The following ERBB3 variants were observed in gnomAD, a reference collection of about 807,000 sequenced individuals.
The protein encoded by ERBB3 is erb-b2 receptor tyrosine kinase 3.
In ERBB3, 96 loss-of-function variants were observed where a neutral mutation model predicts 156.7. The ratio of observed to expected loss-of-function variants is 0.61; its 90% CI spans 0.52 to 0.73. The LOEUF (loss-of-function observed/expected upper bound fraction) is 0.73. Among genes scored for constraint, ERBB3 ranks in the 30% least tolerant of loss-of-function variants. The probability of loss-of-function intolerance (pLI) is 0.00; values close to 1 mark genes in which losing one functional copy is unlikely to be tolerated. For synonymous variants in ERBB3, 567 were observed against 632.0 expected, an observed-to-expected ratio of 0.90 and a Z score of 1.54; for missense variants, 1,406 against 1,709.4, an observed-to-expected ratio of 0.82 and a Z score of 3.13.
rs1869096598 is a variant in ERBB3 at position 56,101,369 on chromosome 12, A to T, written c.3502+8A>T. On this transcript the variant is annotated splice_region_variant and intron_variant, in intron 27 of 27. Transcript: ENST00000267101. ...CAGATACACACCTCAAAGGTGCCTG[A>T]CTCTTCCTAGGGCTTTCCTCAATTT... is the stretch of plus-strand genomic sequence containing the variant. 2 of 1,613,166 alleles carry T rather than the reference A, an allele frequency of 1.2e-6. No homozygotes were observed. The highest frequency in any genetic ancestry group is 1.7e-6 in the Non-Finnish European group (2 of 1,179,658).
intron 5 of ERBB3, 58 bp from the exon 6 acceptor site, chr12:56,087,737 G>A: frequency 6.3e-7 from 1 of 1,586,446 alleles, no homozygotes; most frequent in South Asian, 1.1e-5. Flanking sequence ...GGCATGAGCA[G>A]TGGCCTCAGA....
Position 56,101,222 on chromosome 12 carries a change from C to G in ERBB3, c.3363C>G (p.Ser1121Arg). The G allele has an allele frequency of 6.2e-7, 1 of 1,613,918 alleles. No homozygotes were observed. Among genetic ancestry groups the G allele is most frequent in the African/African-American group, 1.3e-5 (1 of 74,972 alleles). Reference protein sequence around the residue: ...KVSMCRSRSRSRSPRPRGDSA... With the variant: ...KVSMCRSRSRRRSPRPRGDSA... ...CAATGTGTAGGAGCCGGAGCAGGAG[C>G]CGGAGCCCACGGCCACGCGGAGATA... is the stretch of plus-strand genomic sequence containing the variant. Residue 1121 changes from serine to arginine, a missense_variant, in exon 27 of 28, where the codon AGC (serine) becomes AGG (arginine). Transcript: ENST00000267101.
At chr12:56,101,503 A>G (rs373727653) in intron 27 of ERBB3, 26 bp from the exon 28 acceptor site, 83 of 1,611,970 alleles carry the variant, frequency 5.1e-5, no homozygotes, top group Middle Eastern at 5.1e-4. Context: ...TTCTTCACAT[A>G]CCTAGCCTTT....
At chr12:56,087,297 A>C (rs1868518095) in intron 4 of ERBB3, among the ~76,000 whole-genome samples, 2 of 152,144 alleles carry the variant, frequency 1.3e-5, no homozygotes, top group Admixed American at 1.3e-4. Flanking sequence ...CAGTTTGCCC[A>C]GGAGGAACTA....
At chr12:56,089,375 C>T (rs1383245946) in intron 9 of ERBB3, among the ~76,000 whole-genome samples, 2 of 152,110 alleles carry the variant, frequency 1.3e-5, no homozygotes, top group Non-Finnish European at 2.9e-5. Flanking sequence ...CCCATCTTGG[C>T]CTCCCAAAGT....
chr12:56,097,509 G>A (rs1447289399), intron 20 of ERBB3, among the ~76,000 whole-genome samples: 1 of 152,172 alleles, frequency 6.6e-6, no homozygotes, highest in Non-Finnish European at 1.5e-5. Flanking sequence ...TCTCTTAGGA[G>A]CTTGACTTCT....
rs778519373 is a variant in ERBB3 at position 56,093,852 on chromosome 12, T to C, written c.1569T>C (p.Tyr523=). The change falls in exon 13 of 28, where the codon TAT becomes TAC. Residue 523 remains tyrosine, a synonymous_variant. Transcript: ENST00000267101. ...GTCAGTGCTTGTCCTGTCGAAATTA[T>C]AGCCGAGGAGGTGTCTGTGTGACCC... ...GPGQCLSCRN[Y]SRGGVCVTHC... The C allele has an allele frequency of 3.1e-6, 5 of 1,613,574 alleles. No individual in the cohort carries two copies. The highest frequency in any genetic ancestry group is 2.2e-5 in the East Asian group (1 of 44,846).
chr12:56,092,692 A>T, intron 9 of ERBB3, 55 bp from the exon 10 acceptor site: 1 of 1,238,242 alleles, frequency 8.1e-7, no homozygotes, highest in Non-Finnish European at 1.2e-6. Context: ...GGGTGTGCTC[A>T]TTGCCATTGA....
intron 9 of ERBB3, 84 bp from the exon 10 acceptor site, chr12:56,092,663 G>A: frequency 1.0e-6 from 1 of 953,474 alleles, no homozygotes; most frequent in Non-Finnish European, 1.7e-6. Context: ...ATGATATTTA[G>A]AAACCAAATG....
intron 26 of ERBB3, among the ~76,000 whole-genome samples, chr12:56,100,631 G>T (rs1443981593): frequency 8.5e-6 from 1 of 117,682 alleles, no homozygotes; most frequent in African/African-American, 3.4e-5. Flanking sequence ...GACAGAGCAA[G>T]ACCCTGTCTC....
In ERBB3 at chr12:56,080,181, G is replaced by A; in HGVS notation, c.-120G>A. The A allele has an allele frequency of 1.3e-6, 1 of 796,828 alleles. No homozygotes were observed. Among genetic ancestry groups the A allele is most frequent in the Non-Finnish European group, 2.1e-6 (1 of 471,718 alleles). The allele number at this position is 796,828 out of a possible 1,614,324, so 49.4% of individuals were successfully genotyped here. On this transcript the variant is annotated 5_prime_UTR_variant, in exon 1 of 28. Coordinates refer to ENST00000267101, the MANE Select transcript of ERBB3 (RefSeq NM_001982.4). ...GCTCCGATTGCAATTTGCAACCTCC[G>A]CTGCCGTCGCCGCAGCAGCCACCAA...
intron 21 of ERBB3, 50 bp downstream of exon 21, chr12:56,097,990 A>T: frequency 6.3e-7 from 1 of 1,593,112 alleles, no homozygotes; most frequent in Non-Finnish European, 8.6e-7. Context: ...AAGCATGGGG[A>T]TAGGGAGCAG....
At chr12:56,088,958 A>C in intron 9 of ERBB3, 90 bp downstream of exon 9, 2 of 1,529,348 alleles carry the variant, frequency 1.3e-6, no homozygotes, top group Non-Finnish European at 1.8e-6. Flanking sequence ...TGTGGAGCTG[A>C]CTAGGAATCA....
At position 56,098,445 on chromosome 12, in the gene ERBB3, A is replaced by G. The variant is rs1868970565; in HGVS notation, c.2617-55A>G. ...AAAAAAAAGAATTTGGGACTTGGAAATCCTAAGAAAATTTGTGGAAATAAA... is the reference window on the plus strand; with the variant it reads ...AAAAAAAAGAATTTGGGACTTGGAAGTCCTAAGAAAATTTGTGGAAATAAA... On this transcript the variant is annotated intron_variant, in intron 21 of 27. Transcript: ENST00000267101. 6.6e-6 allele frequency: 9 copies of G among 1,370,380 alleles called. No homozygotes were observed. The Admixed American group carries it at 1.5e-4, about 23-fold the overall frequency. The allele number at this position is 1,370,380 out of a possible 1,614,324, so 84.9% of individuals were successfully genotyped here.
intron 17 of ERBB3, 127 bp from the exon 18 acceptor site, chr12:56,096,376 G>A: frequency 1.7e-6 from 2 of 1,149,252 alleles, no homozygotes; most frequent in Non-Finnish European, 1.3e-6. Flanking sequence ...TCCATTCCAG[G>A]ACTAACGGTG....
intron 9 of ERBB3, among the ~76,000 whole-genome samples, chr12:56,090,185 A>G (rs1286359384): frequency 6.6e-6 from 1 of 151,740 alleles, no homozygotes; most frequent in Admixed American, 6.6e-5. Context: ...TTTTTAGTAG[A>G]GACAGGGTTT....
chr12:56,094,025 C>G (rs1868808693), intron 13 of ERBB3, 74 bp from the exon 14 acceptor site: 2 of 1,556,670 alleles, frequency 1.3e-6, no homozygotes, highest in Non-Finnish European at 1.8e-6. Context: ...GGTAGGAGAC[C>G]TGTGGTTGTG....
rs1869030700 is a variant in ERBB3 at position 56,099,903 on chromosome 12, G to A, written c.3003G>A (p.Glu1001=). ...ATGGTCTGACAAACAAGAAGCTAGA[G>A]GAAGTAGAGCTGGAGCCAGAACTAG... ...EPHGLTNKKL[E]EVELEPELDL... Residue 1001 remains glutamate, a synonymous_variant, in exon 25 of 28, where the codon GAG becomes GAA. Transcript: ENST00000267101. 1.2e-6 allele frequency: 2 copies of A among 1,614,238 alleles called. No individual in the cohort carries two copies. The highest frequency in any genetic ancestry group is 1.7e-6 in the Non-Finnish European group (2 of 1,180,046).
Position 56,097,820 on chromosome 12 carries a change from T to C in ERBB3, c.2496T>C (p.His832=), listed in dbSNP as rs543742419. 3.1e-6 allele frequency: 5 copies of C among 1,614,034 alleles called. No individual in the cohort carries two copies. The highest frequency in any genetic ancestry group is 4.5e-5 in the East Asian group (2 of 44,866). ...MYYLEEHGMV[H]RNLAARNVLL... ...ACCTTGAGGAACATGGTATGGTGCA[T>C]AGAAACCTGGCTGCCCGAAACGTGC... The change falls in exon 21 of 28, where the codon CAT becomes CAC. Residue 832 remains histidine, a synonymous_variant. Coordinates refer to ENST00000267101, the MANE Select transcript of ERBB3 (RefSeq NM_001982.4).
Sources: gnomAD v4.1 joint callset for allele counts (sites outside exome capture counted in the v4.1 genomes callset) on GRCh38, gnomAD v4.1.1 for gene constraint, MANE v1.5 for transcripts, NCBI Gene and HGNC (gene_info 2026-07-23, HGNC 2026-07-21) for gene names.